MACROD2: variants seen among roughly 807,000 people sequenced by gnomAD.
MACROD2 encodes mono-ADP ribosylhydrolase 2.
In MACROD2, 36 loss-of-function variants were observed where a neutral mutation model predicts 70.4. That is an observed-to-expected ratio of 0.51 (90% CI 0.39 to 0.68). The LOEUF (loss-of-function observed/expected upper bound fraction) is 0.68, where lower values mean the gene tolerates loss of function less well. Among genes scored for constraint, MACROD2 ranks in the 30% least tolerant of loss-of-function variants. The probability of loss-of-function intolerance (pLI) is 0.00; values close to 1 mark genes in which losing one functional copy is unlikely to be tolerated. For synonymous variants in MACROD2, 172 were observed against 178.8 expected, an observed-to-expected ratio of 0.96 and a Z score of 0.30; for missense variants, 496 against 538.4, an observed-to-expected ratio of 0.92 and a Z score of 0.78.
intron 4 of MACROD2, among the ~76,000 whole-genome samples, chr20:14,677,991 A>G (rs937106662): frequency 2.0e-5 from 3 of 152,232 alleles, no homozygotes; most frequent in African/African-American, 7.2e-5. Context: ...TTGTTAAGGC[A>G]AACTGGTGTT....
intron 8 of MACROD2, among the ~76,000 whole-genome samples, chr20:15,816,613 G>T (rs113771885): frequency 4.6e-5 from 7 of 152,070 alleles, no homozygotes; most frequent in Non-Finnish European, 8.8e-5. Flanking sequence ...AACTCCCACG[G>T]CTTCTTCCTT....
chr20:14,611,793 T>C (rs1983188486), intron 4 of MACROD2, among the ~76,000 whole-genome samples: 1 of 152,144 alleles, frequency 6.6e-6, no homozygotes, highest in Admixed American at 6.6e-5. Flanking sequence ...AACTATAGTA[T>C]TATGACTGAA....
chr20:14,767,814 C>T lies in MACROD2; in HGVS notation c.418+82855C>T, dbSNP rs929613487. 7.2e-5 allele frequency among the ~76,000 whole-genome samples: 11 copies of T among 151,772 alleles called. 1 individual carries two copies. Among genetic ancestry groups the T allele is most frequent in the South Asian group, 2.1e-4 (1 of 4,798 alleles). ...TAGTCCCCCACCCCCTGACAGGCCC[C>T]GGTGTGTGATTTTCCCCTCCCTGTG... On this transcript the variant is annotated intron_variant, in intron 5 of 17. Coordinates refer to ENST00000684519, the MANE Select transcript of MACROD2 (RefSeq NM_001351661.2).
At chr20:14,973,425 G>C (rs1333069220) in intron 5 of MACROD2, among the ~76,000 whole-genome samples, 1 of 151,918 alleles carries the variant, frequency 6.6e-6, no homozygotes, top group Non-Finnish European at 1.5e-5. Flanking sequence ...ATTTCACCAT[G>C]TTGGCCAGGC....
intron 8 of MACROD2, among the ~76,000 whole-genome samples, chr20:15,504,653 T>C (rs1477891493): frequency 6.6e-6 from 1 of 152,146 alleles, no homozygotes; most frequent in Non-Finnish European, 1.5e-5. Context: ...GATTACCCAC[T>C]GGCATTTTCA....
chr20:15,282,472 A>G (rs74809652), intron 6 of MACROD2, among the ~76,000 whole-genome samples: 2 of 152,314 alleles, frequency 1.3e-5, no homozygotes, highest in African/African-American at 2.4e-5. Flanking sequence ...CATATCTTCA[A>G]TGCTTTGTTG....
intron 2 of MACROD2, among the ~76,000 whole-genome samples, chr20:14,072,793 G>A (rs997701965): frequency 2.6e-5 from 4 of 152,018 alleles, no homozygotes; most frequent in African/African-American, 7.2e-5. Flanking sequence ...AATTAGCTGG[G>A]CGTGGTGGCG....
rs552478056 is a variant in MACROD2, at chr20:15,046,046, C to T, written c.419-183894C>T. Among the ~76,000 whole-genome samples, 626 of 152,086 alleles carry T rather than the reference C, an allele frequency of 4.1e-3. 5 individuals are homozygous for T. The highest frequency in any genetic ancestry group is 0.015 in the African/African-American group (604 of 41,492). ...GGCGTCCTTTCGGAGATCATCTGTA[C>T]GCTCAAGGCTTCAGTTAATTACTTG... On this transcript the variant is annotated intron_variant, in intron 5 of 17. Coordinates refer to ENST00000684519, the MANE Select transcript of MACROD2 (RefSeq NM_001351661.2).
intron 6 of MACROD2, among the ~76,000 whole-genome samples, chr20:15,246,900 G>GT (rs1391850239): frequency 6.6e-6 from 1 of 152,116 alleles, no homozygotes; most frequent in East Asian, 1.9e-4. Flanking sequence ...CTGACACATG[G>GT]TACAACATGG....
At chr20:14,046,408 G>T (rs1008444967) in intron 2 of MACROD2, among the ~76,000 whole-genome samples, 6 of 152,192 alleles carry the variant, frequency 3.9e-5, no homozygotes, top group Non-Finnish European at 7.3e-5. Context: ...ACAGTATTGT[G>T]TTGGTGAGTA....
intron 5 of MACROD2, among the ~76,000 whole-genome samples, chr20:15,157,529 T>G (rs1391196013): frequency 6.6e-6 from 1 of 152,114 alleles, no homozygotes; most frequent in Non-Finnish European, 1.5e-5. Flanking sequence ...ATTTAGTAAG[T>G]GTGTTTTGAT....
chr20:15,377,805 A>G (rs910374153), intron 6 of MACROD2, among the ~76,000 whole-genome samples: 21 of 152,254 alleles, frequency 1.4e-4, no homozygotes, highest in African/African-American at 4.3e-4. Context: ...TGAGCCACGC[A>G]TGTGGTATCA....
At chr20:14,397,529 A>G (rs567486031) in intron 3 of MACROD2, among the ~76,000 whole-genome samples, 3 of 152,136 alleles carry the variant, frequency 2.0e-5, no homozygotes, top group Non-Finnish European at 2.9e-5. Context: ...TTGTCACACT[A>G]TTATCTTTAC....
At chr20:14,286,180 A>G (rs190878950) in intron 3 of MACROD2, among the ~76,000 whole-genome samples, 1 of 152,150 alleles carries the variant, frequency 6.6e-6, no homozygotes, top group Non-Finnish European at 1.5e-5. Context: ...CAACATTATA[A>G]TAGTTTTAAA....
chr20:14,992,855 C>T (rs551998728), intron 5 of MACROD2, among the ~76,000 whole-genome samples: 1 of 150,676 alleles, frequency 6.6e-6, no homozygotes, highest in African/African-American at 2.5e-5. Flanking sequence ...AGAGATAATA[C>T]TGCTGGAAAG....
intron 5 of MACROD2, among the ~76,000 whole-genome samples, chr20:15,185,352 A>G (rs542094080): frequency 6.6e-6 from 1 of 152,326 alleles, no homozygotes; most frequent in East Asian, 1.9e-4. Context: ...CGAAATGTCT[A>G]TGGTGGCTCA....
At chr20:14,969,286 T>C (rs1444834774) in intron 5 of MACROD2, among the ~76,000 whole-genome samples, 1 of 151,926 alleles carries the variant, frequency 6.6e-6, no homozygotes, top group African/African-American at 2.4e-5. Context: ...TTTTGTTATC[T>C]ATATCTTACG....
At chr20:14,401,526 G>A (rs1344024942) in intron 3 of MACROD2, among the ~76,000 whole-genome samples, 1 of 152,066 alleles carries the variant, frequency 6.6e-6, no homozygotes, top group Non-Finnish European at 1.5e-5. Context: ...ATCCAAATAT[G>A]AATCTAAATA....
chr20:14,218,712 C>G (rs138325435), intron 3 of MACROD2, among the ~76,000 whole-genome samples: 1 of 152,198 alleles, frequency 6.6e-6, no homozygotes, highest in East Asian at 1.9e-4. Context: ...TTTAGCAGTT[C>G]TTGTAGTGGT....
Sources: gnomAD v4.1 joint callset for allele counts (sites outside exome capture counted in the v4.1 genomes callset) on GRCh38, gnomAD v4.1.1 for gene constraint, MANE v1.5 for transcripts, NCBI Gene and HGNC (gene_info 2026-07-23, HGNC 2026-07-21) for gene names.